Variants in TTC23 observed in about 807,000 individuals in gnomAD.
The protein encoded by TTC23 is tetratricopeptide repeat domain 23.
A neutral mutation model predicts 55.1 loss-of-function variants in TTC23; 58 were observed. That is an observed-to-expected ratio of 1.05 (90% CI 0.85 to 1.31). The LOEUF is 1.31. TTC23 is among the 50% of genes most tolerant of loss of function. The pLI, the probability that TTC23 is intolerant of heterozygous loss-of-function variation, is 0.00. For synonymous variants in TTC23, 203 were observed against 199.9 expected, an observed-to-expected ratio of 1.02 and a Z score of -0.13; for missense variants, 516 against 534.4, an observed-to-expected ratio of 0.97 and a Z score of 0.34.
chr15:99,151,509 G>A (rs975725818), intron 12 of TTC23: 8 of 152,360 alleles, frequency 5.3e-5, no homozygotes, highest in Non-Finnish European at 8.8e-5. Context: ...GGAGCAAGGA[G>A]AAGTCCTGGA....
intron 12 of TTC23, among the ~76,000 whole-genome samples, chr15:99,141,329 A>G (rs546288615): frequency 1.3e-5 from 2 of 152,198 alleles, no homozygotes; most frequent in African/African-American, 4.8e-5. Flanking sequence ...AATGCATATA[A>G]TATGTATTAT....
chr15:99,230,094 T>C (rs73469368), intron 4 of TTC23, among the ~76,000 whole-genome samples: 5,471 of 152,136 alleles, frequency 0.036, 341 homozygotes, highest in African/African-American at 0.12. Flanking sequence ...CAATCAAAAC[T>C]GACCCAGAAT....
intron 4 of TTC23, among the ~76,000 whole-genome samples, chr15:99,229,906 C>T (rs1009717895): frequency 6.6e-6 from 1 of 152,104 alleles, no homozygotes; most frequent in South Asian, 2.1e-4. Context: ...AAAAGTAAGA[C>T]CTAAAAGGAT....
chr15:99,200,916 T>G (rs1311362169), intron 8 of TTC23, among the ~76,000 whole-genome samples: 2 of 152,374 alleles, frequency 1.3e-5, no homozygotes, highest in Non-Finnish European at 1.5e-5. Flanking sequence ...CTGATCCATA[T>G]TTATTGACAC....
intron 8 of TTC23, among the ~76,000 whole-genome samples, chr15:99,216,814 A>G (rs749012140): frequency 6.6e-5 from 10 of 152,194 alleles, no homozygotes; most frequent in Non-Finnish European, 1.3e-4. Flanking sequence ...TGGTGAACTT[A>G]AAGTCTGTTT....
intron 12 of TTC23, among the ~76,000 whole-genome samples, chr15:99,146,355 T>C (rs554487832): frequency 6.6e-6 from 1 of 152,224 alleles, no homozygotes; most frequent in Non-Finnish European, 1.5e-5. Flanking sequence ...AATTTCCCTA[T>C]TACATGCAGC....
intron 9 of TTC23, among the ~76,000 whole-genome samples, chr15:99,195,078 A>C (rs1473796307): frequency 6.6e-6 from 1 of 152,246 alleles, no homozygotes; most frequent in Non-Finnish European, 1.5e-5. Flanking sequence ...AGAAATGATA[A>C]GCTGGATTTC....
intron 9 of TTC23, among the ~76,000 whole-genome samples, chr15:99,176,483 T>C (rs1453599779): frequency 6.6e-6 from 1 of 152,122 alleles, no homozygotes; most frequent in African/African-American, 2.4e-5. Context: ...TGGTGGCATA[T>C]GCCTGCAGTC....
At chr15:99,221,941 T>A in intron 5 of TTC23, 77 bp from the exon 6 acceptor site, 2 of 1,533,304 alleles carry the variant, frequency 1.3e-6, no homozygotes, top group Non-Finnish European at 1.8e-6. Context: ...CGCTTTTATA[T>A]CCCTTTGATA....
chr15:99,146,556 T>G (rs1157988253), intron 12 of TTC23, among the ~76,000 whole-genome samples: 1 of 152,214 alleles, frequency 6.6e-6, no homozygotes, highest in African/African-American at 2.4e-5. Context: ...CTAGAGAGCC[T>G]CAGGCCAGGA....
chr15:99,161,037 C>T (rs1046818149), intron 11 of TTC23: 7 of 144,070 alleles, frequency 4.9e-5, no homozygotes, highest in African/African-American at 1.0e-4. Flanking sequence ...AAAAACTTAA[C>T]GGAGAGGAGT....
At chr15:99,170,348 GCAGGC>G (rs2072747697) in intron 10 of TTC23, among the ~76,000 whole-genome samples, 4 of 152,220 alleles carry the variant, frequency 2.6e-5, no homozygotes, top group Admixed American at 2.0e-4. Context: ...ACGCAAGCAG[GCAGGC>G]TACAGAGAAT....
chr15:99,138,191 A>T, intron 13 of TTC23, 64 bp from the exon 14 acceptor site: 5 of 1,589,714 alleles, frequency 3.1e-6, no homozygotes, highest in Non-Finnish European at 4.3e-6. Context: ...GTTCCCATCC[A>T]GCCTTTGCTG....
At chr15:99,231,439 T>C (rs904349051) in intron 4 of TTC23, among the ~76,000 whole-genome samples, 9 of 152,220 alleles carry the variant, frequency 5.9e-5, no homozygotes, top group Non-Finnish European at 1.3e-4. Flanking sequence ...TGGAAGGCAG[T>C]GATATTGATG....
At chr15:99,226,019 G>C (rs1203782643) in intron 5 of TTC23, among the ~76,000 whole-genome samples, 1 of 152,080 alleles carries the variant, frequency 6.6e-6, no homozygotes, top group Non-Finnish European at 1.5e-5. Flanking sequence ...AGCATAAGAC[G>C]AACTCAAACA....
At chr15:99,167,172 C>T (rs2072234521) in intron 10 of TTC23, among the ~76,000 whole-genome samples, 1 of 152,194 alleles carries the variant, frequency 6.6e-6, no homozygotes, top group Admixed American at 6.5e-5. Flanking sequence ...GGACAAGTGA[C>T]AACAGGATTT....
intron 8 of TTC23, among the ~76,000 whole-genome samples, chr15:99,203,480 C>G (rs995695450): frequency 2.0e-5 from 3 of 151,982 alleles, no homozygotes; most frequent in Admixed American, 6.5e-5. Flanking sequence ...AGGAACATGC[C>G]AGTTCCATTC....
chr15:99,176,717 T>C (rs2073602079), intron 9 of TTC23, among the ~76,000 whole-genome samples: 1 of 152,220 alleles, frequency 6.6e-6, no homozygotes, highest in Admixed American at 6.5e-5. Flanking sequence ...TCTTTTTTAT[T>C]TGTGATACCA....
chr15:99,178,017 TAAA>T (rs1291543579), intron 9 of TTC23, among the ~76,000 whole-genome samples: 1 of 151,858 alleles, frequency 6.6e-6, no homozygotes, highest in African/African-American at 2.4e-5. Flanking sequence ...CTGTCTGTAC[TAAA>T]AAATAAAAAA....
Sources: gnomAD v4.1 joint callset for allele counts (sites outside exome capture counted in the v4.1 genomes callset) on GRCh38, gnomAD v4.1.1 for gene constraint, MANE v1.5 for transcripts, NCBI Gene and HGNC (gene_info 2026-07-23, HGNC 2026-07-21) for gene names.